Variants in ENOX1 observed in about 807,000 individuals in gnomAD.
ENOX1 encodes the protein candidate growth-related and time keeping constitutive hydroquinone (NADH) oxidase.
Under a neutral mutation model 82.5 loss-of-function variants are expected in ENOX1, and 42 were observed. The ratio of observed to expected loss-of-function variants is 0.51; its 90% CI spans 0.40 to 0.66. The LOEUF is 0.66. ENOX1 is among the 30% of genes least tolerant of loss of function. The pLI is 0.00. For missense variants in ENOX1, 608 were observed against 811.6 expected, an observed-to-expected ratio of 0.75 and a Z score of 3.05; for synonymous variants, 271 against 282.2, an observed-to-expected ratio of 0.96 and a Z score of 0.40.
intron 3 of ENOX1, among the ~76,000 whole-genome samples, chr13:43,476,012 T>C (rs1177755641): frequency 6.6e-6 from 1 of 152,098 alleles, no homozygotes; most frequent in Non-Finnish European, 1.5e-5. Flanking sequence ...TATATTTGTT[T>C]ATAGACCTCA....
intron 11 of ENOX1, among the ~76,000 whole-genome samples, chr13:43,318,723 C>T (rs1209963627): frequency 6.6e-6 from 1 of 152,166 alleles, no homozygotes; most frequent in Non-Finnish European, 1.5e-5. Flanking sequence ...TGGGGAAAGG[C>T]CCAGGGCCAC....
intron 14 of ENOX1, among the ~76,000 whole-genome samples, chr13:43,260,535 A>AT (rs2043996725): frequency 6.6e-6 from 1 of 152,082 alleles, no homozygotes; most frequent in Admixed American, 6.6e-5. Flanking sequence ...CTGTCACTGC[A>AT]TTTCATTCCT....
At chr13:43,550,809 A>C (rs1262503875) in intron 2 of ENOX1, among the ~76,000 whole-genome samples, 1 of 152,228 alleles carries the variant, frequency 6.6e-6, no homozygotes, top group African/African-American at 2.4e-5. Flanking sequence ...TGTACTTTGT[A>C]TTGAGTTAAA....
At chr13:43,477,060 A>AT (rs1286437700) in intron 3 of ENOX1, among the ~76,000 whole-genome samples, 1 of 151,502 alleles carries the variant, frequency 6.6e-6, no homozygotes, top group Non-Finnish European at 1.5e-5. Flanking sequence ...AATAAAAAAA[A>AT]AATTGAGAAA....
intron 1 of ENOX1, among the ~76,000 whole-genome samples, chr13:43,708,085 C>T (rs1015830726): frequency 1.3e-5 from 2 of 152,178 alleles, no homozygotes; most frequent in Non-Finnish European, 2.9e-5. Flanking sequence ...AGCTGATGAT[C>T]AGCGGCTTCC....
At chr13:43,764,879 C>T (rs1951180874) in intron 1 of ENOX1, among the ~76,000 whole-genome samples, 1 of 152,202 alleles carries the variant, frequency 6.6e-6, no homozygotes, top group African/African-American at 2.4e-5. Flanking sequence ...AAAGCTTTTA[C>T]ATTTGCAAGT....
At position 43,346,450 on chromosome 13, in the gene ENOX1, T is replaced by C. The variant is rs114848094; in HGVS notation, c.824-1700A>G. Among the ~76,000 whole-genome samples, 705 of 152,322 alleles carry C rather than the reference T, an allele frequency of 4.6e-3. 3 individuals carry two copies. Among genetic ancestry groups the C allele is most frequent in the African/African-American group, 0.016 (674 of 41,570 alleles). ...TCACACTTTAACCAGAGGAGATAAC[T>C]GGCCTGGGAATGCCCACAAAACACC... On this transcript the variant is annotated intron_variant, in intron 8 of 16. Transcript: ENST00000690772.
At chr13:43,446,968 G>A (rs1408729922) in intron 3 of ENOX1, among the ~76,000 whole-genome samples, 1 of 152,158 alleles carries the variant, frequency 6.6e-6, no homozygotes, top group Non-Finnish European at 1.5e-5. Flanking sequence ...CAGCAAGTGG[G>A]GTAGCTCAAA....
intron 1 of ENOX1, among the ~76,000 whole-genome samples, chr13:43,752,281 T>C (rs1424193902): frequency 1.3e-5 from 2 of 152,180 alleles, no homozygotes; most frequent in African/African-American, 2.4e-5. Flanking sequence ...GAGTATTTTA[T>C]ATATGATTTG....
intron 5 of ENOX1, among the ~76,000 whole-genome samples, chr13:43,403,653 C>A (rs1356633293): frequency 6.6e-6 from 1 of 151,986 alleles, no homozygotes; most frequent in Non-Finnish European, 1.5e-5. Context: ...TAGAGCCCAG[C>A]CTGGGCAACA....
At chr13:43,344,820 C>A in intron 8 of ENOX1, 70 bp from the exon 9 acceptor site, 1 of 1,506,594 alleles carries the variant, frequency 6.6e-7, no homozygotes, top group Non-Finnish European at 9.2e-7. Context: ...TTGTTCCTCT[C>A]AAAAGACAGA....
At chr13:43,564,684 C>T (rs1251085119) in intron 2 of ENOX1, among the ~76,000 whole-genome samples, 1 of 152,096 alleles carries the variant, frequency 6.6e-6, no homozygotes, top group Admixed American at 6.6e-5. Flanking sequence ...AAAATGTTTA[C>T]TTATTCTTTG....
At chr13:43,394,101 AC>A (rs1430588377) in intron 5 of ENOX1, among the ~76,000 whole-genome samples, 3 of 152,226 alleles carry the variant, frequency 2.0e-5, no homozygotes, top group Non-Finnish European at 2.9e-5. Flanking sequence ...AGCCTGAAGA[AC>A]TGAGACAAAT....
chr13:43,307,721 T>C (rs2046946730), intron 11 of ENOX1, among the ~76,000 whole-genome samples: 1 of 152,228 alleles, frequency 6.6e-6, no homozygotes, highest in South Asian at 2.1e-4. Context: ...GGAATGACAC[T>C]GTGACTGAAT....
chr13:43,249,006 A>G (rs2043297598), intron 14 of ENOX1, among the ~76,000 whole-genome samples: 1 of 152,182 alleles, frequency 6.6e-6, no homozygotes, highest in African/African-American at 2.4e-5. Flanking sequence ...AATGTTTCCC[A>G]TTAAATACTA....
chr13:43,339,519 C>T (rs1167972113), intron 9 of ENOX1, among the ~76,000 whole-genome samples: 2 of 152,200 alleles, frequency 1.3e-5, no homozygotes, highest in African/African-American at 4.8e-5. Context: ...GCGGAGTGAG[C>T]CCTCCGTGTT....
intron 15 of ENOX1, among the ~76,000 whole-genome samples, chr13:43,224,478 G>A (rs1048169486): frequency 6.6e-6 from 1 of 152,196 alleles, no homozygotes; most frequent in Non-Finnish European, 1.5e-5. Flanking sequence ...GTTATTGGAA[G>A]GATAAAATTA....
chr13:43,630,256 T>C (rs925469944), intron 2 of ENOX1, among the ~76,000 whole-genome samples: 4 of 152,148 alleles, frequency 2.6e-5, no homozygotes, highest in Non-Finnish European at 5.9e-5. Context: ...AGAACTAAGG[T>C]TGAGCAACAG....
chr13:43,541,240 T>TGTAATCCTA (rs942282174), intron 2 of ENOX1, among the ~76,000 whole-genome samples: 2 of 142,114 alleles, frequency 1.4e-5, no homozygotes, highest in African/African-American at 5.2e-5. Context: ...GGCTCACACC[T>TGTAATCCTA]GTAATCCTAG....
Sources: allele counts gnomAD v4.1 joint callset (sites outside exome capture counted in the v4.1 genomes callset), GRCh38; gene constraint gnomAD v4.1.1; transcripts MANE v1.5; gene names NCBI Gene and HGNC (gene_info 2026-07-23, HGNC 2026-07-21).